Variants in EYS observed in about 807,000 individuals in gnomAD.
The protein encoded by EYS is EGF-like photoreceptor maintenance factor.
EYS carries 250 observed loss-of-function variants against 282.1 expected under a neutral mutation model. That is an observed-to-expected ratio of 0.89 (90% CI 0.80 to 0.98). EYS has a LOEUF of 0.98. EYS is among the 50% of genes least tolerant of loss of function. The probability of loss-of-function intolerance (pLI) is 0.00; values close to 1 mark genes in which losing one functional copy is unlikely to be tolerated. For synonymous variants in EYS, 1,355 were observed against 1,282.9 expected (o/e 1.06, Z -1.20); for missense variants, 4,016 against 3,709.0 (o/e 1.08, Z -2.15).
chr6:64,987,448 T>C (rs1770898987), intron 14 of EYS, among the ~76,000 whole-genome samples: 1 of 151,510 alleles, frequency 6.6e-6, no homozygotes, highest in African/African-American at 2.4e-5. Context: ...GAATACCAAA[T>C]ATGCATGCAG....
intron 5 of EYS, among the ~76,000 whole-genome samples, chr6:65,422,173 T>C (rs1767490910): frequency 6.6e-6 from 1 of 151,916 alleles, no homozygotes; most frequent in Non-Finnish European, 1.5e-5. Flanking sequence ...TATTTAACTT[T>C]GAAATAACTA....
chr6:64,869,332 G>C (rs531695711), intron 19 of EYS, among the ~76,000 whole-genome samples: 40 of 151,598 alleles, frequency 2.6e-4, no homozygotes, highest in Middle Eastern at 3.4e-3. Flanking sequence ...CAACAAACAT[G>C]TTTTCAGCAT....
At chr6:65,645,934 G>T (rs905884873) in intron 1 of EYS, among the ~76,000 whole-genome samples, 3 of 151,860 alleles carry the variant, frequency 2.0e-5, no homozygotes, top group Non-Finnish European at 2.9e-5. Context: ...TAGAGGAGAT[G>T]GTTAAATTCC....
intron 12 of EYS, among the ~76,000 whole-genome samples, chr6:65,123,758 CCACACACACACACA>C (rs34701707): frequency 6.8e-6 from 1 of 147,002 alleles, no homozygotes; most frequent in Non-Finnish European, 1.5e-5. Context: ...ACCCACCCAC[CCACACACACACACA>C]CACACACACA....
intron 31 of EYS, among the ~76,000 whole-genome samples, chr6:64,195,779 C>T (rs1489782765): frequency 1.3e-5 from 2 of 151,978 alleles, no homozygotes; most frequent in Non-Finnish European, 2.9e-5. Flanking sequence ...CTCATTTTCT[C>T]AGTGTATTAA....
chr6:64,627,406 T>C (rs1311273380), intron 22 of EYS, among the ~76,000 whole-genome samples: 1 of 152,168 alleles, frequency 6.6e-6, no homozygotes, highest in Non-Finnish European at 1.5e-5. Flanking sequence ...GAGAGCACAG[T>C]CTGGGGTGAT....
At chr6:63,874,518 T>C (rs1171837755) in intron 35 of EYS, among the ~76,000 whole-genome samples, 3 of 152,202 alleles carry the variant, frequency 2.0e-5, no homozygotes, top group Non-Finnish European at 2.9e-5. Flanking sequence ...GTAGTTTTTT[T>C]CCAATTCTGT....
chr6:63,930,346 C>T (rs1764852020), intron 35 of EYS, among the ~76,000 whole-genome samples: 1 of 117,306 alleles, frequency 8.5e-6, no homozygotes, highest in South Asian at 2.9e-4. Context: ...AGTTTTGTAA[C>T]CTTGATTCAG....
At chr6:64,464,260 A>T (rs1296349816) in intron 26 of EYS, among the ~76,000 whole-genome samples, 1 of 152,180 alleles carries the variant, frequency 6.6e-6, no homozygotes, top group East Asian at 1.9e-4. Flanking sequence ...CCTTCGTGAT[A>T]AAAAACTCTC....
intron 42 of EYS, among the ~76,000 whole-genome samples, chr6:63,725,607 G>T (rs561849929): frequency 1.3e-5 from 2 of 152,148 alleles, no homozygotes; most frequent in East Asian, 3.9e-4. Flanking sequence ...AATTTCTTCT[G>T]AGCTGTATTT....
intron 35 of EYS, among the ~76,000 whole-genome samples, chr6:63,896,042 T>C (rs1312704911): frequency 1.3e-5 from 2 of 152,096 alleles, no homozygotes; most frequent in Non-Finnish European, 2.9e-5. Context: ...TACCACATTA[T>C]TGGAATATGG....
chr6:63,905,428 C>T (rs1413084875), intron 35 of EYS, among the ~76,000 whole-genome samples: 1 of 147,872 alleles, frequency 6.8e-6, no homozygotes, highest in Non-Finnish European at 1.5e-5. Context: ...CTCCCAGGTT[C>T]ACGCCATTCT....
rs80180186 is a variant in EYS at position 64,744,524 on chromosome 6, C to A, written c.3443+68854G>T. 1.0e-2 allele frequency among the ~76,000 whole-genome samples: 1,520 copies of A among 152,212 alleles called. 25 individuals are homozygous for A. The highest frequency in any genetic ancestry group is 0.034 in the African/African-American group (1,406 of 41,536). ...GTACAGTTTCAATGTCTATACGCAA[C>A]CAGTATCAGAATTTACGGAAGTAGA... On this transcript the variant is annotated intron_variant, in intron 22 of 42. Transcript: ENST00000503581.
intron 2 of EYS, among the ~76,000 whole-genome samples, chr6:65,622,542 C>G (rs1256745581): frequency 6.6e-6 from 1 of 151,858 alleles, no homozygotes; most frequent in Non-Finnish European, 1.5e-5. Context: ...TATTTAAGAT[C>G]TATACAACAG....
At chr6:64,295,081 G>A (rs2150367773) in intron 30 of EYS, among the ~76,000 whole-genome samples, 1 of 151,828 alleles carries the variant, frequency 6.6e-6, no homozygotes, top group African/African-American at 2.4e-5. Context: ...TTCTCAAAAA[G>A]AAAATGGGTC....
chr6:63,876,786 C>G (rs1229786836), intron 35 of EYS, among the ~76,000 whole-genome samples: 1 of 152,116 alleles, frequency 6.6e-6, no homozygotes, highest in Non-Finnish European at 1.5e-5. Context: ...ACTAGAATTG[C>G]AACCCCTGCT....
At chr6:64,647,996 G>A (rs1341072903) in intron 22 of EYS, among the ~76,000 whole-genome samples, 2 of 152,148 alleles carry the variant, frequency 1.3e-5, no homozygotes, top group African/African-American at 2.4e-5. Flanking sequence ...CATGCCAATC[G>A]CCCTGTGAAT....
At chr6:64,783,131 G>A (rs1370480417) in intron 22 of EYS, among the ~76,000 whole-genome samples, 13 of 152,120 alleles carry the variant, frequency 8.5e-5, no homozygotes, top group Middle Eastern at 3.4e-3. Context: ...AGCCATCTTG[G>A]TCATCAGATT....
intron 26 of EYS, among the ~76,000 whole-genome samples, chr6:64,533,221 A>G (rs1764408897): frequency 1.3e-5 from 2 of 152,174 alleles, no homozygotes; most frequent in African/African-American, 4.8e-5. Flanking sequence ...TAGAATAATG[A>G]CAAATAGCTT....
Sources: allele counts gnomAD v4.1 joint callset (sites outside exome capture counted in the v4.1 genomes callset), GRCh38; gene constraint gnomAD v4.1.1; transcripts MANE v1.5; gene names NCBI Gene and HGNC (gene_info 2026-07-23, HGNC 2026-07-21).